Variants in KIF26B observed in about 807,000 individuals in gnomAD.
KIF26B encodes kinesin-like protein KIF26B.
Under a neutral mutation model 151.2 loss-of-function variants are expected in KIF26B, and 63 were observed. The observed-to-expected ratio is 0.42, with a 90% CI of 0.34 to 0.51. The LOEUF (loss-of-function observed/expected upper bound fraction) is 0.51. Among genes scored for constraint, KIF26B ranks in the 20% least tolerant of loss-of-function variants. The pLI is 0.07. For missense variants in KIF26B, 2,813 were observed against 2,913.6 expected, an observed-to-expected ratio of 0.97 and a Z score of 0.79; for synonymous variants, 1,357 against 1,262.1, an observed-to-expected ratio of 1.08 and a Z score of -1.59.
At chr1:245,407,809 C>A (rs970142108) in intron 3 of KIF26B, among the ~76,000 whole-genome samples, 1 of 152,174 alleles carries the variant, frequency 6.6e-6, no homozygotes, top group Non-Finnish European at 1.5e-5. Context: ...AGAACAGACA[C>A]AGTCCCTAAG....
chr1:245,507,320 T>C (rs779992747), intron 4 of KIF26B, among the ~76,000 whole-genome samples: 15 of 152,120 alleles, frequency 9.9e-5, no homozygotes. Flanking sequence ...TCCACACCCG[T>C]AGAAACCAGG....
At chr1:245,400,003 A>C (rs549275330) in intron 3 of KIF26B, among the ~76,000 whole-genome samples, 2 of 152,326 alleles carry the variant, frequency 1.3e-5, no homozygotes, top group East Asian at 3.9e-4. Context: ...AATAACCTTT[A>C]TAGATATTTC....
At chr1:245,677,014 A>G (rs1436471970) in intron 10 of KIF26B, among the ~76,000 whole-genome samples, 3 of 152,184 alleles carry the variant, frequency 2.0e-5, no homozygotes, top group Admixed American at 2.0e-4. Context: ...GGCATCTCAA[A>G]TGATGCTGCT....
Position 245,688,109 on chromosome 1 carries a change from G to A in KIF26B, c.5126G>A (p.Ser1709Asn). 6.4e-7 allele frequency: 1 copy of A among 1,559,518 alleles called. No homozygotes were observed. Among genetic ancestry groups the A allele is most frequent in the Non-Finnish European group, 8.6e-7 (1 of 1,156,180 alleles). Residue 1709 changes from serine (S) to asparagine (N), a missense_variant, in exon 12 of 15, where the codon AGC (serine) becomes AAC (asparagine). By Grantham distance (46) the Ser-to-Asn change is conservative (BLOSUM62 1). Coordinates refer to ENST00000407071, the MANE Select transcript of KIF26B (RefSeq NM_018012.4). Reference protein sequence around the residue: ...KDGTMPRAGRSLGRSAGTSPP... With the variant: ...KDGTMPRAGRNLGRSAGTSPP... ...GGCACCATGCCCCGCGCGGGGAGGAGCCTGGGCCGCAGCGCCGGGACCTCG... is the reference window on the plus strand; with the variant it reads ...GGCACCATGCCCCGCGCGGGGAGGAACCTGGGCCGCAGCGCCGGGACCTCG...
chr1:245,696,341 T>C (rs974942546), intron 12 of KIF26B, among the ~76,000 whole-genome samples: 1 of 152,242 alleles, frequency 6.6e-6, no homozygotes, highest in Non-Finnish European at 1.5e-5. Context: ...CCTGCCATGA[T>C]GACATGAGTG....
chr1:245,229,861 T>G lies in KIF26B; in HGVS notation c.465+73178T>G, dbSNP rs552328801. On this transcript the variant is annotated intron_variant, in intron 2 of 14. Coordinates refer to ENST00000407071, the MANE Select transcript of KIF26B (RefSeq NM_018012.4). ...AAATAAAACCACTCAGAGGCCGGGT[T>G]CGGTGGCTCACGCCTGTAATCCCCG... 3.6e-4 allele frequency among the ~76,000 whole-genome samples: 55 copies of G among 152,298 alleles called. No homozygotes were observed. In the East Asian group the frequency reaches 9.7e-3, roughly 27 times the overall value.
Position 245,611,989 on chromosome 1 carries a change from C to T in KIF26B, c.2098+13C>T. 1 of 1,609,230 alleles carries T rather than the reference C, an allele frequency of 6.2e-7. No homozygotes were observed. The highest frequency in any genetic ancestry group is 8.5e-7 in the Non-Finnish European group (1 of 1,176,382). ...GGGAAAGGGGGAAGTAAGTCGGCCA[C>T]TCCACCCTCCTGCCTCCTTAGCGGC... On this transcript the variant is annotated intron_variant, in intron 9 of 14. Coordinates refer to ENST00000407071, the MANE Select transcript of KIF26B (RefSeq NM_018012.4).
chr1:245,450,993 C>G (rs775656271), intron 4 of KIF26B, among the ~76,000 whole-genome samples: 29 of 152,230 alleles, frequency 1.9e-4, no homozygotes, highest in African/African-American at 6.5e-4. Context: ...GAAATGAATT[C>G]CTCGTGCCCA....
intron 4 of KIF26B, among the ~76,000 whole-genome samples, chr1:245,472,298 A>G (rs1255206180): frequency 6.6e-6 from 1 of 152,170 alleles, no homozygotes; most frequent in Non-Finnish European, 1.5e-5. Flanking sequence ...AAATGAGTGA[A>G]TGGATGTATT....
At chr1:245,160,651 AT>A (rs1385301806) in intron 2 of KIF26B, among the ~76,000 whole-genome samples, 1 of 149,924 alleles carries the variant, frequency 6.7e-6, no homozygotes, top group East Asian at 1.9e-4. Context: ...AAAATCTTTT[AT>A]GTAAAAAAAA....
At chr1:245,566,708 T>G (rs2043014181) in intron 5 of KIF26B, among the ~76,000 whole-genome samples, 1 of 152,156 alleles carries the variant, frequency 6.6e-6, no homozygotes, top group African/African-American at 2.4e-5. Flanking sequence ...GGCAGGCGGA[T>G]CAGAAGATCA....
At position 245,602,092 on chromosome 1, in the gene KIF26B, C is replaced by T. The variant is rs555071447; in HGVS notation, c.1351-485C>T. Among the ~76,000 whole-genome samples the T allele has an allele frequency of 4.0e-5, 6 of 151,784 alleles. No homozygotes were observed. In the South Asian group the frequency reaches 6.3e-4, roughly 16 times the overall value. ...TGGCCATTAAAAGCAGGCCATTTCA[C>T]GGTTCTTTAATGATGACACTAATAA... On this transcript the variant is annotated intron_variant, in intron 5 of 14. Coordinates refer to ENST00000407071, the MANE Select transcript of KIF26B (RefSeq NM_018012.4). This position sits in a 1 kb window ranked among gnomAD's most constrained non-coding sequence, Gnocchi z 4.5.
rs568234403 is a variant in KIF26B, at chr1:245,709,110, T to G, written c.*6504T>G. 6.6e-6 allele frequency: 1 copy of G among 152,256 alleles called. No individual in the cohort carries two copies. Among genetic ancestry groups the G allele is most frequent in the Non-Finnish European group, 1.5e-5 (1 of 68,046 alleles). 9.4% of individuals were successfully genotyped at this position (152,256 alleles called of 1,614,324 possible). A position where few individuals can be genotyped will look rare whatever the true frequency, so the allele number is the denominator to read the frequency against. On this transcript the variant is annotated 3_prime_UTR_variant, in exon 15 of 15. Coordinates refer to ENST00000407071, the MANE Select transcript of KIF26B (RefSeq NM_018012.4). Reference sequence around the variant, plus strand: ...AGTCAGAAATTCAACTCTTCTGTACTTGGGCAGGTCCCAGCAGCCCCTTGG... The same window carrying G: ...AGTCAGAAATTCAACTCTTCTGTACGTGGGCAGGTCCCAGCAGCCCCTTGG...
intron 3 of KIF26B, among the ~76,000 whole-genome samples, chr1:245,391,507 G>A (rs1468210231): frequency 6.6e-6 from 1 of 151,996 alleles, no homozygotes; most frequent in African/African-American, 2.4e-5. Flanking sequence ...AAAGAGATTT[G>A]TGGGCTGGGG....
intron 5 of KIF26B, among the ~76,000 whole-genome samples, chr1:245,593,450 C>T (rs535449879): frequency 3.3e-5 from 5 of 152,128 alleles, no homozygotes; most frequent in African/African-American, 1.2e-4. Context: ...TATTAGTTTG[C>T]TGAGAATGAT....
intron 7 of KIF26B, among the ~76,000 whole-genome samples, 198 bp from the exon 8 acceptor site, chr1:245,609,068 G>A (rs1771524): frequency 0.41 from 62,781 of 152,030 alleles, 13,943 homozygotes; most frequent in East Asian, 0.66. Context: ...ATTCTTTATT[G>A]TAGCCATTTA....
chr1:245,190,578 C>T (rs1370541855), intron 2 of KIF26B, among the ~76,000 whole-genome samples: 1 of 151,250 alleles, frequency 6.6e-6, no homozygotes, highest in African/African-American at 2.5e-5. Flanking sequence ...GTTCCAGTAT[C>T]CACTTTGGTT....
At position 245,476,740 on chromosome 1, in the gene KIF26B, TG is replaced by T. The variant is rs563614234; in HGVS notation, c.1166+56997del. ...TGGGGTTTCACCATGTTGCCCAGGC[TG>T]GTCTGAACTCTTGGGCTCAAGTGAT... On this transcript the variant is annotated intron_variant, in intron 4 of 14. Coordinates refer to ENST00000407071, the MANE Select transcript of KIF26B (RefSeq NM_018012.4). Among the ~76,000 whole-genome samples, 413 of 151,714 alleles carry T rather than the reference TG, an allele frequency of 2.7e-3. 10 individuals carry two copies. Among genetic ancestry groups the T allele is most frequent in the Non-Finnish European group, 5.0e-3 (338 of 67,750 alleles).
intron 5 of KIF26B, among the ~76,000 whole-genome samples, chr1:245,561,340 C>A (rs982709200): frequency 6.6e-6 from 1 of 152,130 alleles, no homozygotes; most frequent in Non-Finnish European, 1.5e-5. Flanking sequence ...GTGTACCTCC[C>A]CTCTTCCCTG....
Sources: allele counts gnomAD v4.1 joint callset (sites outside exome capture counted in the v4.1 genomes callset), GRCh38; gene constraint gnomAD v4.1.1; non-coding constraint Gnocchi (gnomAD v3.1); transcripts MANE v1.5; gene names NCBI Gene and HGNC (gene_info 2026-07-23, HGNC 2026-07-21).